Variants in FMN1 observed in about 807,000 individuals in gnomAD.
FMN1 encodes the protein formin 1, also known as formin-1.
In FMN1, 110 loss-of-function variants were observed where a neutral mutation model predicts 132.4. The ratio of observed to expected loss-of-function variants is 0.83; its 90% CI spans 0.71 to 0.97. The LOEUF (loss-of-function observed/expected upper bound fraction) is 0.97, where lower values mean the gene tolerates loss of function less well. FMN1 is among the 50% of genes least tolerant of loss of function. The pLI, the probability that FMN1 is intolerant of heterozygous loss-of-function variation, is 0.00. For missense variants in FMN1, 1,792 were observed against 1,705.3 expected (o/e 1.05, Z -0.90); for synonymous variants, 722 against 651.7 (o/e 1.11, Z -1.64).
intron 4 of FMN1, among the ~76,000 whole-genome samples, chr15:33,131,721 T>C (rs1220618141): frequency 6.6e-6 from 1 of 152,038 alleles, no homozygotes; most frequent in East Asian, 1.9e-4. Flanking sequence ...AGGAAACTGA[T>C]GGGGAGGGGA....
intron 3 of FMN1, among the ~76,000 whole-genome samples, chr15:33,155,314 T>C (rs935936079): frequency 2.0e-5 from 3 of 152,218 alleles, no homozygotes; most frequent in Non-Finnish European, 1.5e-5. Flanking sequence ...GGACTCACTG[T>C]GCAGCCTGGA....
intron 19 of FMN1, among the ~76,000 whole-genome samples, chr15:32,797,115 G>A (rs1271711252): frequency 6.6e-6 from 1 of 152,086 alleles, no homozygotes; most frequent in Non-Finnish European, 1.5e-5. Context: ...AAGGACTTCT[G>A]GATACCACCT....
At chr15:32,979,505 G>A (rs116872323) in intron 7 of FMN1, among the ~76,000 whole-genome samples, 1,800 of 146,528 alleles carry the variant, frequency 0.012, 16 homozygotes, top group Admixed American at 0.02. Flanking sequence ...GTAGTGAGCG[G>A]AGATTGTGCC....
At position 33,153,553 on chromosome 15, in the gene FMN1, C is replaced by G; in HGVS notation, c.1362G>C (p.Thr454=). The stretch of plus-strand genomic sequence containing the variant: ...GCAACCCGGCTCTCCTCTTGTTTCT[C>G]GTTTCTGGGCGAGTGTGAGGGACAC... The part of the protein sequence containing the change: ...HTSVPHTRPE[T]RNKRRAGLPL... Residue 454 remains threonine (T), a synonymous_variant, in exon 4 of 21, where the codon ACG becomes ACC. Transcript: ENST00000616417. 2 of 1,536,248 alleles carry G rather than the reference C, an allele frequency of 1.3e-6. No homozygotes were observed. The highest frequency in any genetic ancestry group is 1.7e-6 in the Non-Finnish European group (2 of 1,146,942).
intron 5 of FMN1, among the ~76,000 whole-genome samples, chr15:33,071,620 C>A (rs536708394): frequency 6.6e-6 from 1 of 152,112 alleles, no homozygotes; most frequent in Non-Finnish European, 1.5e-5. Context: ...AATAGCTAGA[C>A]CTGAAACAAT....
intron 6 of FMN1, among the ~76,000 whole-genome samples, chr15:33,015,767 T>C (rs1424538975): frequency 6.6e-6 from 1 of 152,234 alleles, no homozygotes; most frequent in Non-Finnish European, 1.5e-5. Context: ...CTTCCAAAAC[T>C]TAGCACACAC....
chr15:33,157,925 A>T (rs1434690044), intron 3 of FMN1, among the ~76,000 whole-genome samples: 1 of 151,292 alleles, frequency 6.6e-6, no homozygotes, highest in Non-Finnish European at 1.5e-5. Flanking sequence ...TTGAAGCTGC[A>T]GTGGACTGAG....
chr15:33,114,436 A>C (rs558451403), intron 4 of FMN1, among the ~76,000 whole-genome samples: 1 of 152,390 alleles, frequency 6.6e-6, no homozygotes, highest in African/African-American at 2.4e-5. Context: ...AAGAATCTGC[A>C]TAAGTGTTGA....
intron 17 of FMN1, among the ~76,000 whole-genome samples, chr15:32,848,458 G>C (rs73370803): frequency 2.8e-4 from 42 of 152,322 alleles, no homozygotes; most frequent in African/African-American, 9.1e-4. Context: ...CATCTAGAGC[G>C]ATGTTGAAGA....
intron 9 of FMN1, among the ~76,000 whole-genome samples, chr15:32,948,076 C>T (rs11635684): frequency 0.1 from 15,609 of 151,972 alleles, 873 homozygotes; most frequent in African/African-American, 0.15. Flanking sequence ...ATGCCTGCTT[C>T]GTGGACACTC....
In FMN1 at chr15:32,867,955, T is replaced by C. The variant is rs934082841; in HGVS notation, c.3836-10848A>G. On this transcript the variant is annotated intron_variant, in intron 16 of 20. Transcript: ENST00000616417. ...AATCTCCAGCATCTACTGTAATGTCTATCTAGTGAAAGCTGTTCCATGGGT... is the reference window on the plus strand; with the variant it reads ...AATCTCCAGCATCTACTGTAATGTCCATCTAGTGAAAGCTGTTCCATGGGT... Among the ~76,000 whole-genome samples, 67 of 152,350 alleles carry C rather than the reference T, an allele frequency of 4.4e-4. 1 individual carries two copies. Among genetic ancestry groups the C allele is most frequent in the African/African-American group, 1.6e-3 (65 of 41,580 alleles).
chr15:32,791,739 G>C (rs1363151357), intron 19 of FMN1, among the ~76,000 whole-genome samples: 1 of 152,182 alleles, frequency 6.6e-6, no homozygotes, highest in African/African-American at 2.4e-5. Context: ...TCTTGTAGCA[G>C]TAAAAATAAT....
intron 6 of FMN1, chr15:33,012,343 G>T: frequency 1.2e-6 from 1 of 852,676 alleles, no homozygotes; most frequent in East Asian, 2.4e-5. Context: ...TGAATGCAAG[G>T]CCACACAAGG....
intron 6 of FMN1, among the ~76,000 whole-genome samples, chr15:33,060,409 A>C (rs1383544186): frequency 1.3e-5 from 2 of 152,234 alleles, no homozygotes; most frequent in Admixed American, 6.5e-5. Context: ...AATAGCTCTC[A>C]TTTTATAATG....
chr15:33,132,233 A>C (rs1248706265), intron 4 of FMN1, among the ~76,000 whole-genome samples: 1 of 152,044 alleles, frequency 6.6e-6, no homozygotes, highest in Non-Finnish European at 1.5e-5. Context: ...AATAATACCA[A>C]ATATAAGCAG....
At position 32,868,414 on chromosome 15, in the gene FMN1, G is replaced by T. The variant is rs79334391; in HGVS notation, c.3836-11307C>A. ...ATAGAAACCTGTGCAGATTTGTAGCGTAGACGCCATAGGCTATACCATCTA... is the reference window on the plus strand; with the variant it reads ...ATAGAAACCTGTGCAGATTTGTAGCTTAGACGCCATAGGCTATACCATCTA... On this transcript the variant is annotated intron_variant, in intron 16 of 20. Coordinates refer to ENST00000616417, the MANE Select transcript of FMN1 (RefSeq NM_001277313.2). 3.8e-3 allele frequency among the ~76,000 whole-genome samples: 582 copies of T among 152,256 alleles called. 16 individuals carry two copies. The East Asian group carries it at 0.05, about 13-fold the overall frequency.
rs149512365 is a variant in FMN1 at position 32,846,078 on chromosome 15, A to G, written c.3928+10937T>C. Reference sequence around the variant, plus strand: ...ACTTCAAGCACAAAGCTCTCTCACTACATTCAGATCACTTAAAAACACAAC... The same window carrying G: ...ACTTCAAGCACAAAGCTCTCTCACTGCATTCAGATCACTTAAAAACACAAC... On this transcript the variant is annotated intron_variant, in intron 17 of 20. Transcript: ENST00000616417. 3.9e-5 allele frequency among the ~76,000 whole-genome samples: 6 copies of G among 152,308 alleles called. No individual in the cohort carries two copies. The East Asian group carries it at 1.2e-3, about 29-fold the overall frequency.
rs578053375 is a variant in FMN1, at chr15:33,126,342, G to A, written c.1867+26706C>T. Among the ~76,000 whole-genome samples, 63 of 152,288 alleles carry A rather than the reference G, an allele frequency of 4.1e-4. No homozygotes were observed. In the South Asian group the frequency reaches 1.0e-2, roughly 24 times the overall value. ...CAGTCTAATAGAGAGGAGGCAGAAG[G>A]TCACTGTGGGCAGGCAGTCCAGCAG... On this transcript the variant is annotated intron_variant, in intron 4 of 20. Coordinates refer to ENST00000616417, the MANE Select transcript of FMN1 (RefSeq NM_001277313.2).
At chr15:32,965,187 C>T (rs1333949360) in intron 8 of FMN1, among the ~76,000 whole-genome samples, 1 of 152,154 alleles carries the variant, frequency 6.6e-6, no homozygotes, top group Non-Finnish European at 1.5e-5. Flanking sequence ...CACTTGGGGT[C>T]AGGAGTTCAA....
Sources: allele counts gnomAD v4.1 joint callset (sites outside exome capture counted in the v4.1 genomes callset), GRCh38; gene constraint gnomAD v4.1.1; transcripts MANE v1.5; gene names NCBI Gene and HGNC (gene_info 2026-07-23, HGNC 2026-07-21).